The following MYH15 variants were observed in gnomAD, a reference collection of about 807,000 sequenced individuals.
The protein encoded by MYH15 is myosin heavy chain 15.
Under a neutral mutation model 240.5 loss-of-function variants are expected in MYH15, and 227 were observed. The observed-to-expected ratio is 0.94, with a 90% confidence interval of 0.85 to 1.05. The LOEUF (loss-of-function observed/expected upper bound fraction) is 1.05, where lower values mean the gene tolerates loss of function less well. MYH15 is among the 50% of genes least tolerant of loss of function. The pLI is 0.00. For synonymous variants in MYH15, 785 were observed against 796.7 expected, an observed-to-expected ratio of 0.99 and a Z score of 0.25; for missense variants, 2,217 against 2,247.5, an observed-to-expected ratio of 0.99 and a Z score of 0.27.
chr3:108,504,757 T>G (rs1215538821), intron 2 of MYH15, among the ~76,000 whole-genome samples: 3 of 152,216 alleles, frequency 2.0e-5, no homozygotes. Context: ...GCAAAGGTTC[T>G]GAGAGTGAGC....
chr3:108,403,521 G>T (rs1386296228), intron 33 of MYH15, among the ~76,000 whole-genome samples: 9 of 143,962 alleles, frequency 6.3e-5, no homozygotes, highest in Admixed American at 1.4e-4. Context: ...TTTCCTCCTG[G>T]CATTCTATTC....
intron 22 of MYH15, among the ~76,000 whole-genome samples, chr3:108,444,426 T>C (rs901524282): frequency 1.3e-5 from 2 of 152,208 alleles, no homozygotes; most frequent in African/African-American, 4.8e-5. Context: ...ACCCATCTGA[T>C]AATTTGTCCC....
chr3:108,440,330 G>A (rs2082874974), intron 23 of MYH15, among the ~76,000 whole-genome samples: 1 of 152,156 alleles, frequency 6.6e-6, no homozygotes, highest in African/African-American at 2.4e-5. Flanking sequence ...GAAAGTGGCA[G>A]TTAAAGAAAG....
intron 11 of MYH15, 80 bp from the exon 12 acceptor site, chr3:108,476,595 C>A: frequency 1.1e-6 from 1 of 884,528 alleles, no homozygotes; most frequent in Non-Finnish European, 1.9e-6. Context: ...AAACTAACTA[C>A]CCAGAGGACA....
intron 14 of MYH15, among the ~76,000 whole-genome samples, chr3:108,469,225 A>C (rs2083149519): frequency 6.6e-6 from 1 of 152,210 alleles, no homozygotes; most frequent in Non-Finnish European, 1.5e-5. Flanking sequence ...TCCTAGCAGG[A>C]TTGTTGAGAA....
the MYH15 span, among the ~76,000 whole-genome samples, chr3:108,545,236 G>T: frequency 6.6e-6 from 1 of 152,218 alleles, no homozygotes; most frequent in South Asian, 2.1e-4. Flanking sequence ...TACTCTTGGG[G>T]TGTAGACAAT....
upstream of MYH15, among the ~76,000 whole-genome samples, chr3:108,513,701 A>G (rs1231448664): frequency 6.6e-6 from 1 of 152,168 alleles, no homozygotes; most frequent in Non-Finnish European, 1.5e-5. Context: ...CACTAATAAG[A>G]GAATTGAGGA....
intron 8 of MYH15, 145 bp downstream of exon 8, chr3:108,492,969 A>AAGGAAGGG (rs2083363754): frequency 2.9e-6 from 2 of 678,976 alleles, no homozygotes; most frequent in Non-Finnish European, 5.1e-6. Context: ...GAAAAGAAGG[A>AAGGAAGGG]AGGAAGGGAG....
At chr3:108,449,125 T>C (rs2082952372) in intron 21 of MYH15, among the ~76,000 whole-genome samples, 3 of 152,056 alleles carry the variant, frequency 2.0e-5, no homozygotes. Flanking sequence ...TATCTTGTGT[T>C]CATGAATTGG....
intron 4 of MYH15, 55 bp from the exon 5 acceptor site, chr3:108,499,537 G>T: frequency 6.5e-7 from 1 of 1,544,452 alleles, no homozygotes; most frequent in South Asian, 1.2e-5. Context: ...TTATGTATTA[G>T]TATGAACTTA....
Position 108,484,410 on chromosome 3 carries a change from C to G in MYH15, c.1114+681G>C, listed in dbSNP as rs576710804. 5.8e-4 allele frequency among the ~76,000 whole-genome samples: 88 copies of G among 152,236 alleles called. 1 individual carries two copies. The highest frequency in any genetic ancestry group is 1.1e-3 in the Non-Finnish European group (74 of 68,002). ...TACTTCCCACTGGAATTCCAAGGGC[C>G]TTAGTTCACATCTCCATTATGTCAC... On this transcript the variant is annotated intron_variant, in intron 11 of 40. Transcript: ENST00000693548.
Position 108,493,120 on chromosome 3 carries a change from C to A in MYH15, c.769G>T (p.Asp257Tyr), listed in dbSNP as rs766115701. 6.2e-7 allele frequency: 1 copy of A among 1,613,950 alleles called. No homozygotes were observed. The highest frequency in any genetic ancestry group is 1.1e-5 in the South Asian group (1 of 91,064). The change falls in exon 8 of 41, where the codon GAT (aspartate) becomes TAT (tyrosine). Residue 257 changes from aspartate to tyrosine, a missense_variant. Transcript: ENST00000693548. The part of the protein sequence containing the change: ...ARGMLSSVDI[D>Y]IYLLEKSRVI... ...CAGTGCAATGACTACTTACAGATAT[C>A]AATGTCCACAGATGACAGCATGCCT... is the stretch of plus-strand genomic sequence containing the variant.
At position 108,416,762 on chromosome 3, in the gene MYH15, A is replaced by ATT. The variant is rs776539222; in HGVS notation, c.3948+49_3948+50insAA. 855 of 1,425,340 alleles carry ATT rather than the reference A, an allele frequency of 6.0e-4. 7 individuals are homozygous for ATT. The African/African-American group carries it at 9.5e-3, about 16-fold the overall frequency. The allele number at this position is 1,425,340 out of a possible 1,614,324, so 88.3% of individuals were successfully genotyped here. ...TGATTCATCAAGCACTATTTTTTAAAAAAAAAAACACACAGTCAAGAAACT... is the reference window on the plus strand; with the variant it reads ...TGATTCATCAAGCACTATTTTTTAAATTAAAAAAAACACACAGTCAAGAAACT... On this transcript the variant is annotated intron_variant, in intron 29 of 40. Transcript: ENST00000693548.
chr3:108,506,092 C>T (rs1015082319), intron 1 of MYH15, among the ~76,000 whole-genome samples: 2 of 152,086 alleles, frequency 1.3e-5, no homozygotes, highest in African/African-American at 4.8e-5. Flanking sequence ...AAAGTTACCT[C>T]CCAACACCCC....
intron 37 of MYH15, among the ~76,000 whole-genome samples, chr3:108,389,555 T>TTAC (rs1373496776): frequency 6.6e-6 from 1 of 152,068 alleles, no homozygotes; most frequent in East Asian, 1.9e-4. Context: ...CCTTATAGAG[T>TTAC]TACACAAATG....
intron 14 of MYH15, among the ~76,000 whole-genome samples, chr3:108,467,903 T>C (rs62268048): frequency 0.093 from 14,169 of 152,136 alleles, 742 homozygotes; most frequent in African/African-American, 0.13. Context: ...CACGGTAAAC[T>C]TGAAGACCAA....
In MYH15 at chr3:108,498,119, A is replaced by G. The variant is rs1308704175; in HGVS notation, c.551T>C (p.Val184Ala). 3.1e-6 allele frequency: 5 copies of G among 1,614,098 alleles called. No homozygotes were observed. The highest frequency in any genetic ancestry group is 2.5e-6 in the Non-Finnish European group (3 of 1,179,954). Residue 184 changes from valine (V) to alanine (A), a missense_variant, in exon 6 of 41, where the codon GTG (valine) becomes GCG (alanine). Val to Ala is a moderately conservative substitution (Grantham distance 64, BLOSUM62 0). Transcript: ENST00000693548. The part of the protein sequence containing the change: ...FTGESGAGKT[V>A]NSKHIIQYFA... ...ATACTGGATAATATGTTTGCTGTTC[A>G]CAGTCTTTCCAGCACCAGATTCTCC...
chr3:108,486,310 C>A (rs1436514854), intron 10 of MYH15, 113 bp downstream of exon 10: 1 of 713,426 alleles, frequency 1.4e-6, no homozygotes. Context: ...AGCCCTACAC[C>A]CCTACGGAAG....
At chr3:108,453,861 T>A in intron 21 of MYH15, 145 bp downstream of exon 21, 2 of 740,492 alleles carry the variant, frequency 2.7e-6, no homozygotes, top group Non-Finnish European at 4.1e-6. Context: ...TCTGTCCTTT[T>A]GTTATCTCAT....
Sources: gnomAD v4.1 joint callset for allele counts (sites outside exome capture counted in the v4.1 genomes callset) on GRCh38, gnomAD v4.1.1 for gene constraint, MANE v1.5 for transcripts, NCBI Gene and HGNC (gene_info 2026-07-23, HGNC 2026-07-21) for gene names.